ACSS3: variants seen among roughly 807,000 people sequenced by gnomAD.
ACSS3 encodes the protein acyl-CoA synthetase short chain family member 3, also known as acyl-CoA synthetase short-chain family member 3, mitochondrial.
ACSS3 carries 64 observed loss-of-function variants against 84.2 expected under a neutral mutation model. That is an observed-to-expected ratio of 0.76 (90% confidence interval 0.62 to 0.94). The LOEUF is 0.94. ACSS3 is among the 40% of genes least tolerant of loss of function. The pLI, the probability that ACSS3 is intolerant of heterozygous loss-of-function variation, is 0.00. For synonymous variants in ACSS3, 317 were observed against 310.1 expected (o/e 1.02, Z -0.23); for missense variants, 815 against 867.6 (o/e 0.94, Z 0.76).
chr12:81,180,813 G>A (rs1243526091), intron 8 of ACSS3, among the ~76,000 whole-genome samples: 2 of 152,278 alleles, frequency 1.3e-5, no homozygotes, highest in East Asian at 3.9e-4. Context: ...ACTGCGCCAG[G>A]TCATGGACCT....
chr12:81,206,811 A>G (rs1310570754), intron 9 of ACSS3, among the ~76,000 whole-genome samples: 1 of 152,192 alleles, frequency 6.6e-6, no homozygotes, highest in Non-Finnish European at 1.5e-5. Context: ...GGCATGCTTA[A>G]TAAGGCTTTC....
rs774453986 is a variant in ACSS3 at position 81,174,828 on chromosome 12, G to A, written c.1139G>A (p.Arg380His). 22 of 1,613,694 alleles carry A rather than the reference G, an allele frequency of 1.4e-5. No individual in the cohort carries two copies. The highest frequency in any genetic ancestry group is 4.4e-5 in the South Asian group (4 of 91,062). ...ACACCAGATGCTGGCGCTTATTTCC[G>A]TGTGCTTGCAGAGCATGGAGTAGCT... ...VGTPDAGAYF[R>H]VLAEHGVAAL... The change falls in exon 8 of 16, where the codon CGT becomes CAT. Residue 380 changes from arginine to histidine, a missense_variant. Transcript: ENST00000548058.
chr12:81,096,127 TA>T (rs1394592081), intron 1 of ACSS3, among the ~76,000 whole-genome samples: 1 of 152,236 alleles, frequency 6.6e-6, no homozygotes, highest in Non-Finnish European at 1.5e-5. Flanking sequence ...TAAAAATACT[TA>T]AAGCCTGCTC....
At chr12:81,160,192 A>G (rs868680679) in intron 7 of ACSS3, among the ~76,000 whole-genome samples, 12 of 152,218 alleles carry the variant, frequency 7.9e-5, no homozygotes, top group African/African-American at 2.9e-4. Context: ...AGCAGTTGTC[A>G]TTTTTATGTA....
At position 81,216,939 on chromosome 12, in the gene ACSS3, G is replaced by C. The variant is rs2032940009; in HGVS notation, c.1393G>C (p.Gly465Arg). ...AATTACTGCGTCATGTGTTGGATTA[G>C]GCAATTCTAAAACACCTCCACCAGG... ...SPITASCVGL[G>R]NSKTPPPGQA... is the part of the protein sequence containing the mutation. Residue 465 changes from glycine (G) to arginine (R), a missense_variant, in exon 10 of 16, where the codon GGC becomes CGC. Transcript: ENST00000548058. 6.2e-7 allele frequency: 1 copy of C among 1,611,336 alleles called. No individual in the cohort carries two copies.
Position 81,259,590 on chromosome 12 carries a change from A to T in ACSS3, c.*4668A>T. 6.6e-7 allele frequency: 1 copy of T among 1,513,898 alleles called. No homozygotes were observed. The highest frequency in any genetic ancestry group is 8.9e-7 in the Non-Finnish European group (1 of 1,128,060). 93.8% of individuals were successfully genotyped at this position (1,513,898 alleles called of 1,614,324 possible). A position where few individuals can be genotyped will look rare whatever the true frequency, so the allele number is the denominator to read the frequency against. On this transcript the variant is annotated 3_prime_UTR_variant, in exon 16 of 16. Coordinates refer to ENST00000548058, the MANE Select transcript of ACSS3 (RefSeq NM_024560.4). ...ATTATTTCCTTAGAATTCAGTTTTC[A>T]CAAAGGTTTTCACTGCTCGTCTTCT...
intron 7 of ACSS3, among the ~76,000 whole-genome samples, chr12:81,167,287 G>A (rs1887447829): frequency 6.6e-6 from 1 of 152,096 alleles, no homozygotes. Context: ...ACCCCAAATT[G>A]TCAACTCTCA....
intron 13 of ACSS3, among the ~76,000 whole-genome samples, chr12:81,234,556 A>G (rs944475599): frequency 4.6e-5 from 7 of 151,156 alleles, no homozygotes; most frequent in Non-Finnish European, 8.9e-5. Context: ...TCTTTCTAGA[A>G]CTTGGTCGTG....
rs1036453703 is a variant in ACSS3, at chr12:81,257,226, T to C, written c.*2304T>C. On this transcript the variant is annotated 3_prime_UTR_variant, in exon 16 of 16. Transcript: ENST00000548058. ...GGGAATGGAAAACAGTGCTGGAGAC[T>C]GGGGAAGTGGCTATTTCCTGTGTCT... The C allele has an allele frequency of 3.9e-5, 6 of 152,122 alleles. No homozygotes were observed. The highest frequency in any genetic ancestry group is 1.4e-4 in the African/African-American group (6 of 41,426). The allele number at this position is 152,122 out of a possible 1,614,324, so 9.4% of individuals were successfully genotyped here.
intron 1 of ACSS3, among the ~76,000 whole-genome samples, chr12:81,105,379 A>T (rs1190054388): frequency 6.6e-6 from 1 of 152,238 alleles, no homozygotes; most frequent in Admixed American, 6.5e-5. Flanking sequence ...TCAACAGCAG[A>T]ATGCAGATGA....
At chr12:81,182,255 A>G (rs1274031326) in intron 8 of ACSS3, among the ~76,000 whole-genome samples, 3 of 152,210 alleles carry the variant, frequency 2.0e-5, no homozygotes, top group Non-Finnish European at 4.4e-5. Flanking sequence ...GCTGAAAGGA[A>G]TAAGAATAAA....
intron 14 of ACSS3, 21 bp downstream of exon 14, chr12:81,253,427 T>C (rs1276262138): frequency 1.2e-6 from 2 of 1,613,470 alleles, no homozygotes; most frequent in Non-Finnish European, 1.7e-6. Flanking sequence ...TTTTTCTCCC[T>C]GATTGCTTGG....
At chr12:81,147,813 C>T (rs1183459081) in intron 5 of ACSS3, among the ~76,000 whole-genome samples, 3 of 151,564 alleles carry the variant, frequency 2.0e-5, no homozygotes, top group Non-Finnish European at 4.4e-5. Flanking sequence ...CTTTTCTTTC[C>T]TTCAAATAAA....
chr12:81,079,550 G>A (rs1482040218), intron 1 of ACSS3, among the ~76,000 whole-genome samples: 1 of 152,150 alleles, frequency 6.6e-6, no homozygotes, highest in Non-Finnish European at 1.5e-5. Context: ...AAAGTGTGTG[G>A]GGATGACATG....
intron 8 of ACSS3, among the ~76,000 whole-genome samples, chr12:81,184,541 AAGAAG>A (rs1345399790): frequency 2.0e-5 from 3 of 151,934 alleles, no homozygotes; most frequent in East Asian, 1.9e-4. Flanking sequence ...TCTTAATGAA[AAGAAG>A]AGAAAAGACT....
At chr12:81,131,237 T>A (rs563830633) in intron 2 of ACSS3, among the ~76,000 whole-genome samples, 1 of 152,316 alleles carries the variant, frequency 6.6e-6, no homozygotes, top group African/African-American at 2.4e-5. Context: ...ATTTTCACAA[T>A]ATTAATTCTT....
At chr12:81,211,945 T>G (rs186548649) in intron 9 of ACSS3, among the ~76,000 whole-genome samples, 1 of 152,310 alleles carries the variant, frequency 6.6e-6, no homozygotes, top group East Asian at 1.9e-4. Flanking sequence ...TCAAACACTC[T>G]AGGTATGAAC....
rs1565997227 is a variant in ACSS3 at position 81,134,941 on chromosome 12, CCA to C, written c.585_586del (p.His195GlnfsTer14). On this transcript the variant is annotated frameshift_variant, in exon 3 of 16. Transcript: ENST00000548058. LOFTEE classifies it high-confidence loss of function. ...MLACARIGAIHSLIFGGFASK... is the reference protein window; with the variant it reads ...MLACARIGAIXSLIFGGFASK... The stretch of plus-strand genomic sequence containing the variant: ...TGGCATGTGCAAGGATAGGTGCCAT[CCA>C]CAGTCTCATATTTGGAGGATTTGCT... 1.9e-6 allele frequency: 3 copies of C among 1,605,952 alleles called. No individual in the cohort carries two copies. The South Asian group carries it at 3.4e-5, about 18-fold the overall frequency.
At chr12:81,229,029 G>T in intron 11 of ACSS3, among the ~76,000 whole-genome samples, 1 of 151,730 alleles carries the variant, frequency 6.6e-6, no homozygotes, top group Non-Finnish European at 1.5e-5. Flanking sequence ...CTTGTACCTG[G>T]CATGTAAACT....
Sources: allele counts gnomAD v4.1 joint callset (sites outside exome capture counted in the v4.1 genomes callset), GRCh38; gene constraint gnomAD v4.1.1; transcripts MANE v1.5; gene names NCBI Gene and HGNC (gene_info 2026-07-23, HGNC 2026-07-21).